The following ANXA3 variants were observed in gnomAD, a reference collection of about 807,000 sequenced individuals.
ANXA3 encodes the protein 35-alpha calcimedin.
ANXA3 carries 46 observed loss-of-function variants against 48.8 expected under a neutral mutation model. The ratio of observed to expected loss-of-function variants is 0.94; its 90% CI spans 0.74 to 1.21. The LOEUF (loss-of-function observed/expected upper bound fraction) is 1.21. Among genes scored for constraint, ANXA3 ranks in the 50% most tolerant of loss-of-function variants. The pLI is 0.00. For missense variants in ANXA3, 383 were observed against 378.6 expected (o/e 1.01, Z -0.10); for synonymous variants, 128 against 134.7 (o/e 0.95, Z 0.35).
At chr4:78,580,236 T>C (rs1313685118) in intron 4 of ANXA3, among the ~76,000 whole-genome samples, 1 of 152,186 alleles carries the variant, frequency 6.6e-6, no homozygotes, top group African/African-American at 2.4e-5. Flanking sequence ...AGTGAGGGGT[T>C]GTTACCTCAC....
chr4:78,580,710 T>C (rs2109936644), intron 4 of ANXA3, among the ~76,000 whole-genome samples: 1 of 152,340 alleles, frequency 6.6e-6, no homozygotes, highest in Non-Finnish European at 1.5e-5. Flanking sequence ...GACACCCTTC[T>C]CTGAGCTCCC....
At position 78,607,844 on chromosome 4, in the gene ANXA3, G is replaced by A. The variant is rs539468579; in HGVS notation, c.913-2212G>A. Among the ~76,000 whole-genome samples, 168 of 152,248 alleles carry A rather than the reference G, an allele frequency of 1.1e-3. No individual in the cohort carries two copies. The Middle Eastern group carries it at 0.02, about 18-fold the overall frequency. On this transcript the variant is annotated intron_variant, in intron 12 of 12. Transcript: ENST00000264908. ...AGCATGTGTTGAGTGTCTCCTGTGG[G>A]CCAGGTGCTCTGCTGGAGCATTTAC...
chr4:78,568,096 C>A (rs1444805197), intron 2 of ANXA3, among the ~76,000 whole-genome samples: 2 of 152,208 alleles, frequency 1.3e-5, no homozygotes, highest in Admixed American at 6.5e-5. Flanking sequence ...TCTGCAATAA[C>A]CTGGTCTCCA....
chr4:78,610,301 T>C lies in ANXA3; in HGVS notation c.*186T>C. 2.4e-6 allele frequency: 1 copy of C among 412,368 alleles called. No individual in the cohort carries two copies. The highest frequency in any genetic ancestry group is 3.6e-5 in the East Asian group (1 of 27,502). 25.5% of individuals were successfully genotyped at this position (412,368 alleles called of 1,614,324 possible). On this transcript the variant is annotated 3_prime_UTR_variant, in exon 13 of 13. Transcript: ENST00000264908. ...ATTTTAGAGCATCTCATTTATAATG[T>C]AGCAGCTCATAAATGAAATTGAAAA...
At chr4:78,604,901 T>C (rs1300148656) in intron 12 of ANXA3, among the ~76,000 whole-genome samples, 1 of 152,224 alleles carries the variant, frequency 6.6e-6, no homozygotes, top group Non-Finnish European at 1.5e-5. Context: ...AGGCTTCCAG[T>C]TTATTGCTAT....
At chr4:78,583,731 T>G (rs1055005962) in intron 5 of ANXA3, among the ~76,000 whole-genome samples, 9 of 152,206 alleles carry the variant, frequency 5.9e-5, no homozygotes, top group Non-Finnish European at 1.2e-4. Context: ...AGGCTGGAAC[T>G]CTTGGGCACA....
At chr4:78,579,442 A>G (rs1723029808) in intron 4 of ANXA3, among the ~76,000 whole-genome samples, 1 of 152,200 alleles carries the variant, frequency 6.6e-6, no homozygotes, top group East Asian at 1.9e-4. Flanking sequence ...GATGATCACA[A>G]ACAGGATGGT....
Position 78,595,873 on chromosome 4 carries a change from C to T in ANXA3, c.620C>T (p.Pro207Leu). 6.2e-7 allele frequency: 1 copy of T among 1,606,422 alleles called. No individual in the cohort carries two copies. The highest frequency in any genetic ancestry group is 8.5e-7 in the Non-Finnish European group (1 of 1,173,242). The part of the protein sequence containing the change: ...FTEILCLRSF[P>L]QLKLTFDEYR... ...GAGATCCTGTGTTTAAGGAGCTTTC[C>T]TCAATTAAAACTAAGTACAAACTCA... The change falls in exon 9 of 13, where the codon CCT becomes CTT. Residue 207 changes from proline (P) to leucine (L), a missense_variant. Transcript: ENST00000264908.
rs73828045 is a variant in ANXA3 at position 78,604,350 on chromosome 4, G to A, written c.863G>A (p.Arg288Gln). 412 of 1,613,308 alleles carry A rather than the reference G, an allele frequency of 2.6e-4. 3 individuals carry two copies. In the African/African-American group the frequency reaches 5.1e-3, roughly 20 times the overall value. The stretch of plus-strand genomic sequence containing the variant: ...TCAGAAATTGACCTTTTGGACATTC[G>A]AACAGAGTTCAAGAAGCATTATGGC... ...SRSEIDLLDI[R>Q]TEFKKHYGYS... The change falls in exon 12 of 13, where the codon CGA (arginine) becomes CAA (glutamine). Residue 288 changes from arginine (R) to glutamine (Q), a missense_variant. Transcript: ENST00000264908.
intron 12 of ANXA3, among the ~76,000 whole-genome samples, chr4:78,609,009 A>G (rs1365861045): frequency 6.6e-6 from 1 of 152,230 alleles, no homozygotes. Context: ...GCAGAGCAAG[A>G]CAGGAAAACC....
chr4:78,601,445 T>C (rs1723537955), intron 10 of ANXA3, 65 bp from the exon 11 acceptor site: 24 of 1,441,704 alleles, frequency 1.7e-5, no homozygotes, highest in Middle Eastern at 1.8e-4. Flanking sequence ...AAAAACATAT[T>C]ACTTACTATA....
chr4:78,563,730 C>T (rs1015771993), intron 2 of ANXA3, among the ~76,000 whole-genome samples: 4 of 152,124 alleles, frequency 2.6e-5, no homozygotes, highest in Non-Finnish European at 4.4e-5. Context: ...AGACAGCCAC[C>T]GTTCTCTAGC....
rs1723604528 is a variant in ANXA3 at position 78,604,337 on chromosome 4, C to T, written c.850C>T (p.Leu284Phe). 3 of 1,613,206 alleles carry T rather than the reference C, an allele frequency of 1.9e-6. No individual in the cohort carries two copies. Among genetic ancestry groups the T allele is most frequent in the African/African-American group, 2.7e-5 (2 of 74,994 alleles). ...RIMVSRSEID[L>F]LDIRTEFKKH... Reference sequence around the variant, plus strand: ...AATGGTGTCCAGATCAGAAATTGACCTTTTGGACATTCGAACAGAGTTCAA... The same window carrying T: ...AATGGTGTCCAGATCAGAAATTGACTTTTTGGACATTCGAACAGAGTTCAA... Residue 284 changes from leucine to phenylalanine, a missense_variant, in exon 12 of 13, where the codon CTT (leucine) becomes TTT (phenylalanine). Transcript: ENST00000264908.
At chr4:78,563,580 G>T (rs1396655412) in intron 2 of ANXA3, among the ~76,000 whole-genome samples, 1 of 152,178 alleles carries the variant, frequency 6.6e-6, no homozygotes, top group Non-Finnish European at 1.5e-5. Flanking sequence ...GAACCATAAA[G>T]TGGACCTTCA....
chr4:78,607,253 A>G (rs947468844), intron 12 of ANXA3, among the ~76,000 whole-genome samples: 1 of 152,230 alleles, frequency 6.6e-6, no homozygotes, highest in Non-Finnish European at 1.5e-5. Context: ...CCTAACACAT[A>G]TTATTAAGTA....
chr4:78,566,024 G>T (rs970195712), intron 2 of ANXA3, among the ~76,000 whole-genome samples: 1 of 152,118 alleles, frequency 6.6e-6, no homozygotes, highest in Admixed American at 6.5e-5. Context: ...AAAAGAGAGA[G>T]CCACTTTCCA....
At chr4:78,597,511 T>C (rs994743944) in intron 10 of ANXA3, 97 bp downstream of exon 10, 2 of 702,366 alleles carry the variant, frequency 2.8e-6, no homozygotes, top group African/African-American at 3.7e-5. Context: ...GACTGATCCA[T>C]TTTTTTTGCT....
chr4:78,598,260 A>G (rs1220313687), intron 10 of ANXA3, among the ~76,000 whole-genome samples: 1 of 151,380 alleles, frequency 6.6e-6, no homozygotes, highest in Non-Finnish European at 1.5e-5. Flanking sequence ...GTTATTTATG[A>G]AAGATATCAG....
intron 11 of ANXA3, chr4:78,601,844 C>A: frequency 3.4e-6 from 1 of 298,396 alleles, no homozygotes; most frequent in Non-Finnish European, 6.2e-6. Flanking sequence ...CTCATTTTCT[C>A]TAATATGATG....
Sources: allele counts gnomAD v4.1 joint callset (sites outside exome capture counted in the v4.1 genomes callset), GRCh38; gene constraint gnomAD v4.1.1; transcripts MANE v1.5; gene names NCBI Gene and HGNC (gene_info 2026-07-23, HGNC 2026-07-21).